The following SDK1 variants were observed in gnomAD, a reference collection of about 807,000 sequenced individuals.
SDK1 encodes the protein protein sidekick-1.
In SDK1, 157 loss-of-function variants were observed where a neutral mutation model predicts 245.5. That is an observed-to-expected ratio of 0.64 (90% CI 0.56 to 0.73). The LOEUF is 0.73. Among genes scored for constraint, SDK1 ranks in the 30% least tolerant of loss-of-function variants. SDK1 has a pLI of 0.00. For synonymous variants in SDK1, 1,647 were observed against 1,278.5 expected (o/e 1.29, Z -6.15); for missense variants, 3,583 against 3,002.3 (o/e 1.19, Z -4.52).
chr7:3,320,160 A>C (rs555686994), intron 1 of SDK1, among the ~76,000 whole-genome samples: 3 of 151,864 alleles, frequency 2.0e-5, no homozygotes, highest in South Asian at 4.2e-4. Flanking sequence ...CTCCCCTCTC[A>C]TTCTCTCCTG....
rs200525638 is a variant in SDK1 at position 3,821,510 on chromosome 7, A to G, written c.774A>G (p.Ala258=). ...ILATTTSDAG[A]YYVQAVNEKN... is the part of the protein sequence containing the mutation. ...CCACCACAACCAGTGATGCCGGGGC[A>G]TACTACGTGCAGGCCGTGAATGAGA... The change falls in exon 5 of 45, where the codon GCA becomes GCG. Residue 258 remains alanine (A), a synonymous_variant. Coordinates refer to ENST00000404826, the MANE Select transcript of SDK1 (RefSeq NM_152744.4). 9 of 1,613,982 alleles carry G rather than the reference A, an allele frequency of 5.6e-6. No individual in the cohort carries two copies. Among genetic ancestry groups the G allele is most frequent in the Middle Eastern group, 1.6e-4 (1 of 6,062 alleles).
rs1452702835 is a variant in SDK1 at position 3,850,066 on chromosome 7, G to T, written c.847+28483G>T. Among the ~76,000 whole-genome samples the T allele has an allele frequency of 2.0e-5, 3 of 152,214 alleles. No individual in the cohort carries two copies. The East Asian group carries it at 5.8e-4, about 29-fold the overall frequency. Reference sequence around the variant, plus strand: ...TAACATCAGTCAAAACTTGGAGGATGTAGGCTTCTATACTTACAAGGTATT... The same window carrying T: ...TAACATCAGTCAAAACTTGGAGGATTTAGGCTTCTATACTTACAAGGTATT... On this transcript the variant is annotated intron_variant, in intron 5 of 44. Coordinates refer to ENST00000404826, the MANE Select transcript of SDK1 (RefSeq NM_152744.4).
intron 38 of SDK1, among the ~76,000 whole-genome samples, chr7:4,214,489 A>G (rs897718674): frequency 1.3e-5 from 2 of 152,154 alleles, no homozygotes; most frequent in East Asian, 3.8e-4. Context: ...TGGCTTTGCA[A>G]CCGAGGCAAT....
chr7:3,363,677 A>G (rs1438640658), intron 1 of SDK1, among the ~76,000 whole-genome samples: 2 of 152,162 alleles, frequency 1.3e-5, no homozygotes, highest in Non-Finnish European at 2.9e-5. Flanking sequence ...AGAAGCACGC[A>G]GTCTAGATCC....
intron 1 of SDK1, among the ~76,000 whole-genome samples, chr7:3,475,740 C>G (rs947847213): frequency 6.6e-6 from 1 of 152,062 alleles, no homozygotes; most frequent in Non-Finnish European, 1.5e-5. Context: ...ATCATTGACT[C>G]AAAAGAATGA....
intron 1 of SDK1, among the ~76,000 whole-genome samples, chr7:3,455,211 C>T (rs1277740263): frequency 6.6e-6 from 1 of 151,590 alleles, no homozygotes; most frequent in South Asian, 2.1e-4. Flanking sequence ...ATGTGGGTTG[C>T]AGATATTTTC....
At chr7:3,386,454 C>G (rs560153558) in intron 1 of SDK1, among the ~76,000 whole-genome samples, 1 of 152,302 alleles carries the variant, frequency 6.6e-6, no homozygotes, top group East Asian at 1.9e-4. Flanking sequence ...CATTTCAAAA[C>G]ACACTCATAT....
chr7:3,881,570 A>G (rs1781210280), intron 5 of SDK1, among the ~76,000 whole-genome samples: 1 of 152,196 alleles, frequency 6.6e-6, no homozygotes, highest in Non-Finnish European at 1.5e-5. Flanking sequence ...ACATATGCAT[A>G]TGCGTGCATA....
At chr7:3,437,931 C>A (rs1013245871) in intron 1 of SDK1, among the ~76,000 whole-genome samples, 14 of 152,150 alleles carry the variant, frequency 9.2e-5, no homozygotes, top group African/African-American at 3.1e-4. Flanking sequence ...TGAGAATACT[C>A]CCCCTACGTT....
At position 3,821,484 on chromosome 7, in the gene SDK1, G is replaced by A. The variant is rs199853513; in HGVS notation, c.748G>A (p.Ala250Thr). ...ITLENQLVIL[A>T]TTTSDAGAYY... ...ATTGGAGAATCAGCTGGTGATCCTCGCCACCACAACCAGTGATGCCGGGGC... is the reference window on the plus strand; with the variant it reads ...ATTGGAGAATCAGCTGGTGATCCTCACCACCACAACCAGTGATGCCGGGGC... The change falls in exon 5 of 45, where the codon GCC becomes ACC. Residue 250 changes from alanine (A) to threonine (T), a missense_variant. Transcript: ENST00000404826. 5.8e-5 allele frequency: 94 copies of A among 1,613,120 alleles called. No individual in the cohort carries two copies. Among genetic ancestry groups the A allele is most frequent in the Admixed American group, 6.7e-5 (4 of 59,906 alleles).
At chr7:4,256,496 C>G (rs143721425) in intron 44 of SDK1, among the ~76,000 whole-genome samples, 1 of 152,158 alleles carries the variant, frequency 6.6e-6, no homozygotes, top group African/African-American at 2.4e-5. Context: ...GAGGGTTGCT[C>G]AGCAATGGAA....
chr7:3,906,399 TGA>T (rs148339952), intron 5 of SDK1, among the ~76,000 whole-genome samples: 41 of 149,850 alleles, frequency 2.7e-4, no homozygotes, highest in East Asian at 2.1e-3. Flanking sequence ...TGTGTGTGTG[TGA>T]GAGAGAGAGA....
At chr7:4,093,046 A>C (rs1781908017) in intron 22 of SDK1, among the ~76,000 whole-genome samples, 1 of 152,212 alleles carries the variant, frequency 6.6e-6, no homozygotes, top group Non-Finnish European at 1.5e-5. Flanking sequence ...TATGGAATGA[A>C]GGATCCTAAT....
At chr7:3,563,561 A>G (rs897016303) in intron 1 of SDK1, among the ~76,000 whole-genome samples, 3 of 152,248 alleles carry the variant, frequency 2.0e-5, no homozygotes, top group Admixed American at 6.5e-5. Context: ...AAATATATCC[A>G]GCAACAATTG....
intron 5 of SDK1, among the ~76,000 whole-genome samples, chr7:3,840,681 A>G (rs1026464006): frequency 6.6e-6 from 1 of 152,178 alleles, no homozygotes; most frequent in Admixed American, 6.5e-5. Flanking sequence ...TTCACGGACA[A>G]CTCTGGTCAC....
At chr7:3,575,983 C>T (rs1261458517) in intron 1 of SDK1, among the ~76,000 whole-genome samples, 1 of 151,974 alleles carries the variant, frequency 6.6e-6, no homozygotes, top group Non-Finnish European at 1.5e-5. Flanking sequence ...AATGGGCTTT[C>T]TGCTCTTGTG....
intron 4 of SDK1, among the ~76,000 whole-genome samples, chr7:3,812,117 G>T (rs1779399698): frequency 6.6e-6 from 1 of 152,130 alleles, no homozygotes; most frequent in Admixed American, 6.5e-5. Context: ...GTCTTCCCTG[G>T]ACAGTGTTAA....
Position 3,559,158 on chromosome 7 carries a change from A to T in SDK1, c.299-59922A>T, listed in dbSNP as rs567208122. ...GATGCTGAACTTACGATATATAGAT[A>T]TTATATAATATGTTACATATATACT... On this transcript the variant is annotated intron_variant, in intron 1 of 44. Transcript: ENST00000404826. 9.8e-5 allele frequency among the ~76,000 whole-genome samples: 15 copies of T among 152,344 alleles called. No homozygotes were observed. The South Asian group carries it at 1.2e-3, about 13-fold the overall frequency.
At chr7:4,191,164 G>A (rs143217807) in intron 35 of SDK1, among the ~76,000 whole-genome samples, 1 of 152,246 alleles carries the variant, frequency 6.6e-6, no homozygotes, top group East Asian at 1.9e-4. Context: ...CAACCCCGCG[G>A]CGGTCACAGT....
Sources: allele counts gnomAD v4.1 joint callset (sites outside exome capture counted in the v4.1 genomes callset), GRCh38; gene constraint gnomAD v4.1.1; transcripts MANE v1.5; gene names NCBI Gene and HGNC (gene_info 2026-07-23, HGNC 2026-07-21).